FUT8: variants seen among roughly 807,000 people sequenced by gnomAD.
FUT8 encodes the protein fucosyltransferase 8.
FUT8 carries 29 observed loss-of-function variants against 71.3 expected under a neutral mutation model. The ratio of observed to expected loss-of-function variants is 0.41; its 90% CI spans 0.30 to 0.55. The LOEUF (loss-of-function observed/expected upper bound fraction) is 0.55, where lower values mean the gene tolerates loss of function less well. FUT8 is among the 20% of genes least tolerant of loss of function. The pLI, the probability that FUT8 is intolerant of heterozygous loss-of-function variation, is 0.34. For missense variants in FUT8, 544 were observed against 702.1 expected (o/e 0.77, Z 2.55); for synonymous variants, 254 against 239.3 (o/e 1.06, Z -0.57).
intron 2 of FUT8, among the ~76,000 whole-genome samples, chr14:65,466,966 A>G (rs972484761): frequency 6.6e-6 from 1 of 152,120 alleles, no homozygotes; most frequent in African/African-American, 2.4e-5. Flanking sequence ...CAGTCACTAA[A>G]TATATTGTTG....
intron 1 of FUT8, among the ~76,000 whole-genome samples, chr14:65,415,584 C>T (rs1439966799): frequency 6.6e-6 from 1 of 151,842 alleles, no homozygotes; most frequent in African/African-American, 2.4e-5. Flanking sequence ...TAGCTACAAT[C>T]CTAAAATTTC....
chr14:65,482,300 T>C (rs1443013680), intron 2 of FUT8, among the ~76,000 whole-genome samples: 2 of 152,158 alleles, frequency 1.3e-5, no homozygotes, highest in African/African-American at 4.8e-5. Flanking sequence ...TTTCTGACTC[T>C]TATTTTGTTC....
intron 2 of FUT8, among the ~76,000 whole-genome samples, chr14:65,482,387 G>A (rs1420462792): frequency 6.6e-6 from 1 of 151,856 alleles, no homozygotes; most frequent in Admixed American, 6.6e-5. Context: ...CAAATGTACA[G>A]GTGGAATAAA....
chr14:65,588,892 G>A (rs12433827), intron 3 of FUT8, among the ~76,000 whole-genome samples: 14,869 of 152,170 alleles, frequency 0.098, 925 homozygotes, highest in East Asian at 0.34. Context: ...ATAGGATTTA[G>A]TACTATCTGC....
intron 1 of FUT8, among the ~76,000 whole-genome samples, chr14:65,420,847 A>G (rs2065282571): frequency 6.6e-6 from 1 of 152,102 alleles, no homozygotes; most frequent in African/African-American, 2.4e-5. Context: ...ATTGTACCTT[A>G]TATGTATTAT....
At chr14:65,405,019 A>C in the FUT8 span, among the ~76,000 whole-genome samples, 1 of 152,186 alleles carries the variant, frequency 6.6e-6, no homozygotes, top group Non-Finnish European at 1.5e-5. Flanking sequence ...AGGCTTGACA[A>C]AGTTGTCAAG....
intron 3 of FUT8, among the ~76,000 whole-genome samples, chr14:65,587,878 A>T (rs1427713127): frequency 6.6e-6 from 1 of 152,202 alleles, no homozygotes; most frequent in Non-Finnish European, 1.5e-5. Flanking sequence ...TTTCAGGTTC[A>T]TGTAAACCAA....
chr14:65,706,311 A>T (rs1332262410), intron 7 of FUT8, among the ~76,000 whole-genome samples: 3 of 152,218 alleles, frequency 2.0e-5, no homozygotes, highest in African/African-American at 7.2e-5. Flanking sequence ...TACATGCTAC[A>T]GTCAAAGACT....
chr14:65,548,674 A>G (rs1382062693), intron 2 of FUT8, among the ~76,000 whole-genome samples: 1 of 152,128 alleles, frequency 6.6e-6, no homozygotes, highest in Admixed American at 6.5e-5. Flanking sequence ...CATTGAATTT[A>G]TAGACATAGT....
intron 2 of FUT8, among the ~76,000 whole-genome samples, chr14:65,521,586 G>A (rs969922884): frequency 2.0e-5 from 3 of 152,178 alleles, no homozygotes; most frequent in Non-Finnish European, 2.9e-5. Flanking sequence ...GGGGATATTC[G>A]GATAAGTGTG....
intron 2 of FUT8, among the ~76,000 whole-genome samples, chr14:65,508,899 C>T (rs757856312): frequency 1.2e-4 from 18 of 152,080 alleles, no homozygotes; most frequent in Non-Finnish European, 2.4e-4. Flanking sequence ...TGCTTGTTTA[C>T]TTTGCTGTGG....
At chr14:65,661,160 G>T (rs1001713023) in intron 6 of FUT8, among the ~76,000 whole-genome samples, 1 of 152,122 alleles carries the variant, frequency 6.6e-6, no homozygotes, top group African/African-American at 2.4e-5. Context: ...TTAGGGAGGA[G>T]CTGGAAGGAT....
At chr14:65,538,826 A>G (rs1884500973) in intron 2 of FUT8, among the ~76,000 whole-genome samples, 1 of 152,172 alleles carries the variant, frequency 6.6e-6, no homozygotes, top group African/African-American at 2.4e-5. Flanking sequence ...AGGCTGAGGC[A>G]GGAGAATTGC....
intron 2 of FUT8, among the ~76,000 whole-genome samples, chr14:65,526,673 T>A (rs1355620891): frequency 6.6e-6 from 1 of 152,234 alleles, no homozygotes; most frequent in African/African-American, 2.4e-5. Flanking sequence ...GTCTTTACAA[T>A]TTGGCATGTT....
chr14:65,372,576 C>T, the FUT8 span, among the ~76,000 whole-genome samples: 1 of 151,898 alleles, frequency 6.6e-6, no homozygotes, highest in Non-Finnish European at 1.5e-5. Context: ...CCACCATGCC[C>T]GGCTAATTTT....
At chr14:65,554,305 A>G (rs1165004117) in intron 2 of FUT8, among the ~76,000 whole-genome samples, 2 of 151,138 alleles carry the variant, frequency 1.3e-5, no homozygotes, top group African/African-American at 2.4e-5. Flanking sequence ...TAATATATCA[A>G]TTACAATTAT....
chr14:65,461,922 TG>T (rs1283954204), intron 2 of FUT8, among the ~76,000 whole-genome samples: 2 of 152,124 alleles, frequency 1.3e-5, no homozygotes, highest in Non-Finnish European at 2.9e-5. Flanking sequence ...GAAGCAATAA[TG>T]GTGAATGAGG....
At chr14:65,365,460 GA>G in the FUT8 span, among the ~76,000 whole-genome samples, 1 of 152,082 alleles carries the variant, frequency 6.6e-6, no homozygotes, top group Admixed American at 6.6e-5. Flanking sequence ...ATGAGGCTGA[GA>G]CCTACTGGGC....
At chr14:65,611,229 A>T (rs1185042753) in intron 3 of FUT8, among the ~76,000 whole-genome samples, 27 of 2,408 alleles carry the variant, frequency 0.011, 7 homozygotes, top group African/African-American at 0.025. Context: ...GCGCGCACAC[A>T]CACACACACA....
Sources: gnomAD v4.1 joint callset for allele counts (sites outside exome capture counted in the v4.1 genomes callset) on GRCh38, gnomAD v4.1.1 for gene constraint, MANE v1.5 for transcripts, NCBI Gene and HGNC (gene_info 2026-07-23, HGNC 2026-07-21) for gene names.